Variants in TBX19 observed in about 807,000 individuals in gnomAD.
TBX19 encodes T-box transcription factor 19, also known as T-box transcription factor TBX19.
A neutral mutation model predicts 40.9 loss-of-function variants in TBX19; 33 were observed. That is an observed-to-expected ratio of 0.81 (90% CI 0.61 to 1.08). The LOEUF (loss-of-function observed/expected upper bound fraction) is 1.08. TBX19 is among the 50% of genes least tolerant of loss of function. The pLI, the probability that TBX19 is intolerant of heterozygous loss-of-function variation, is 0.00. For missense variants in TBX19, 494 were observed against 574.0 expected (o/e 0.86, Z 1.42); for synonymous variants, 220 against 225.0 (o/e 0.98, Z 0.20).
At chr1:168,293,009 G>T in intron 2 of TBX19, 135 bp from the exon 3 acceptor site, 1 of 1,433,252 alleles carries the variant, frequency 7.0e-7, no homozygotes, top group East Asian at 2.3e-5. Flanking sequence ...CAGCTCAGGT[G>T]GCCTAGGATT....
intron 5 of TBX19, 136 bp downstream of exon 5, chr1:168,300,619 A>G (rs1164192251): frequency 1.4e-5 from 12 of 844,476 alleles, no homozygotes; most frequent in Non-Finnish European, 2.3e-5. Flanking sequence ...TTATTCTATT[A>G]AGGACAAATT....
At chr1:168,287,099 G>A (rs1359600817) in intron 1 of TBX19, among the ~76,000 whole-genome samples, 3 of 152,190 alleles carry the variant, frequency 2.0e-5, no homozygotes, top group Non-Finnish European at 4.4e-5. Flanking sequence ...GAAAAGTCAT[G>A]CTACACTCTT....
chr1:168,289,684 G>T (rs1431559494), intron 1 of TBX19, among the ~76,000 whole-genome samples: 2 of 152,316 alleles, frequency 1.3e-5, no homozygotes, highest in East Asian at 3.9e-4. Context: ...CATGCAAAGT[G>T]CTTATTCCCA....
intron 4 of TBX19, among the ~76,000 whole-genome samples, chr1:168,298,800 C>CCCTCCCT (rs1553289824): frequency 2.0e-3 from 16 of 8,018 alleles, no homozygotes; most frequent in South Asian, 0.018. Flanking sequence ...CTCCTCTCCT[C>CCCTCCCT]CCCTCCCTCC....
At position 168,299,615 on chromosome 1, in the gene TBX19, A is replaced by G. The variant is rs373790764; in HGVS notation, c.666-807A>G. Among the ~76,000 whole-genome samples the G allele has an allele frequency of 2.0e-5, 3 of 152,138 alleles. No individual in the cohort carries two copies. The East Asian group carries it at 5.8e-4, about 30-fold the overall frequency. On this transcript the variant is annotated intron_variant, in intron 4 of 7. Coordinates refer to ENST00000367821, the MANE Select transcript of TBX19 (RefSeq NM_005149.3). Reference sequence around the variant, plus strand: ...TTCAGCCTCCCAAGTAGTGGGGACTACAGGCATGTGCCACCATGCCTGGCT... The same window carrying G: ...TTCAGCCTCCCAAGTAGTGGGGACTGCAGGCATGTGCCACCATGCCTGGCT...
At position 168,313,209 on chromosome 1, in the gene TBX19, C is replaced by G; in HGVS notation, c.*207C>G. Reference sequence around the variant, plus strand: ...ATTTGCATCTCTCCACCATTTTCTTCTGCACTCCCATTTTCTCTGCAGCTT... The same window carrying G: ...ATTTGCATCTCTCCACCATTTTCTTGTGCACTCCCATTTTCTCTGCAGCTT... On this transcript the variant is annotated 3_prime_UTR_variant, in exon 8 of 8. Coordinates refer to ENST00000367821, the MANE Select transcript of TBX19 (RefSeq NM_005149.3). The G allele has an allele frequency of 1.6e-6, 1 of 634,852 alleles. No homozygotes were observed. The highest frequency in any genetic ancestry group is 2.7e-5 in the Admixed American group (1 of 36,404). The allele number at this position is 634,852 out of a possible 1,614,324, so 39.3% of individuals were successfully genotyped here.
intron 5 of TBX19, among the ~76,000 whole-genome samples, chr1:168,302,198 T>A (rs893956025): frequency 6.6e-6 from 1 of 152,192 alleles, no homozygotes; most frequent in Non-Finnish European, 1.5e-5. Context: ...TTTTGCCCGC[T>A]GGGTGCATGA....
At position 168,281,101 on chromosome 1, in the gene TBX19, G is replaced by T; in HGVS notation, c.11G>T (p.Ser4Ile). 6.2e-7 allele frequency: 1 copy of T among 1,614,134 alleles called. No homozygotes were observed. The highest frequency in any genetic ancestry group is 8.5e-7 in the Non-Finnish European group (1 of 1,180,012). Residue 4 changes from serine to isoleucine, a missense_variant, in exon 1 of 8, where the codon AGT becomes ATT. Physicochemically the swap from Ser to Ile is moderately radical, Grantham distance 142. Around this residue, in one of 3 missense-constraint regions of TBX19, gnomAD observed 201 missense variants for 235.2 expected, o/e 0.85. Transcript: ENST00000367821. ...GTTCGAGAAGTGCCTATGGCCATGA[G>T]TGAGCTGGGCACTCGGAAGCCCAGC... MAMSELGTRKPSDG... is the reference protein window; with the variant it reads MAMIELGTRKPSDG...
At chr1:168,300,514 C>A in intron 5 of TBX19, 31 bp downstream of exon 5, 1 of 1,606,820 alleles carries the variant, frequency 6.2e-7, no homozygotes, top group Non-Finnish European at 8.5e-7. Flanking sequence ...GCGGGAGGTG[C>A]GTGGGGCTGT....
intron 7 of TBX19, among the ~76,000 whole-genome samples, chr1:168,311,319 G>A (rs1649516805): frequency 6.6e-6 from 1 of 152,174 alleles, no homozygotes; most frequent in African/African-American, 2.4e-5. Flanking sequence ...CTGAAGCTCA[G>A]AGGCCTTAAA....
At chr1:168,310,169 G>A (rs529639799) in intron 7 of TBX19, among the ~76,000 whole-genome samples, 2 of 152,040 alleles carry the variant, frequency 1.3e-5, no homozygotes, top group Admixed American at 1.3e-4. Flanking sequence ...AGGCGTGGTG[G>A]TGCATGCCTG....
rs186647833 is a variant in TBX19 at position 168,296,558 on chromosome 1, T to C, written c.604-1166T>C. Among the ~76,000 whole-genome samples the C allele has an allele frequency of 1.2e-3, 187 of 152,280 alleles. 1 individual carries two copies. The highest frequency in any genetic ancestry group is 4.1e-3 in the African/African-American group (171 of 41,552). ...GAGAACAGTATGGGGGAAGCTGCCC[T>C]CATGATTCAGTTATCTCCCACCGGG... On this transcript the variant is annotated intron_variant, in intron 3 of 7. Coordinates refer to ENST00000367821, the MANE Select transcript of TBX19 (RefSeq NM_005149.3).
At chr1:168,292,725 G>A (rs995279104) in intron 2 of TBX19, among the ~76,000 whole-genome samples, 4 of 152,022 alleles carry the variant, frequency 2.6e-5, no homozygotes, top group African/African-American at 9.7e-5. Flanking sequence ...TTAGCCGGGC[G>A]TGGTGGCGGG....
chr1:168,291,155 T>A lies in TBX19; in HGVS notation c.204-5T>A. 6.2e-7 allele frequency: 1 copy of A among 1,614,062 alleles called. No individual in the cohort carries two copies. The highest frequency in any genetic ancestry group is 8.5e-7 in the Non-Finnish European group (1 of 1,180,026). Reference sequence around the variant, plus strand: ...CTGTGGCTAAGTTTCTGCCTTTCCTTTTAGACGGATGTTTCCAGTCCTAAA... The same window carrying A: ...CTGTGGCTAAGTTTCTGCCTTTCCTATTAGACGGATGTTTCCAGTCCTAAA... On this transcript the variant is annotated splice_polypyrimidine_tract_variant and splice_region_variant and intron_variant, in intron 1 of 7. Coordinates refer to ENST00000367821, the MANE Select transcript of TBX19 (RefSeq NM_005149.3).
At chr1:168,295,704 G>A (rs1649086828) in intron 3 of TBX19, among the ~76,000 whole-genome samples, 1 of 152,134 alleles carries the variant, frequency 6.6e-6, no homozygotes, top group Non-Finnish European at 1.5e-5. Flanking sequence ...TTCTCCCTGG[G>A]CTGGAGTCTG....
intron 1 of TBX19, among the ~76,000 whole-genome samples, chr1:168,286,203 C>T (rs1409388230): frequency 1.3e-5 from 2 of 152,226 alleles, no homozygotes; most frequent in Non-Finnish European, 2.9e-5. Context: ...TTCTAAGAGA[C>T]AAGACACTGT....
chr1:168,312,002 G>A (rs920551887), intron 7 of TBX19, among the ~76,000 whole-genome samples: 5 of 152,176 alleles, frequency 3.3e-5, no homozygotes, highest in African/African-American at 1.2e-4. Context: ...GTGTGAACCT[G>A]TGCTACAGAA....
chr1:168,312,804 C>T lies in TBX19; in HGVS notation c.1149C>T (p.Leu383=), dbSNP rs139271595. 5.5e-5 allele frequency: 88 copies of T among 1,614,136 alleles called. No homozygotes were observed. Among genetic ancestry groups the T allele is most frequent in the African/African-American group, 4.7e-4 (35 of 74,948 alleles). Reference sequence around the variant, plus strand: ...CCAGCACCCCAGGAGCATTTCTCCTCGGAAACCCAGCTGTGACTTCACCCC... The same window carrying T: ...CCAGCACCCCAGGAGCATTTCTCCTTGGAAACCCAGCTGTGACTTCACCCC... ...VHASTPGAFL[L]GNPAVTSPPS... is the part of the protein sequence containing the mutation. Residue 383 remains leucine (L), a synonymous_variant, in exon 8 of 8, where the codon CTC becomes CTT. Transcript: ENST00000367821.
intron 4 of TBX19, among the ~76,000 whole-genome samples, chr1:168,298,167 G>T (rs1383989581): frequency 6.6e-6 from 1 of 152,166 alleles, no homozygotes; most frequent in Non-Finnish European, 1.5e-5. Context: ...CTGCATTCCA[G>T]CCTGGGCGAC....
Sources: allele counts gnomAD v4.1 joint callset (sites outside exome capture counted in the v4.1 genomes callset), GRCh38; gene constraint gnomAD v4.1.1; regional missense constraint gnomAD v4.1.1; transcripts MANE v1.5; gene names NCBI Gene and HGNC (gene_info 2026-07-23, HGNC 2026-07-21).